Variants in EXOC6B observed in about 807,000 individuals in gnomAD.
The protein encoded by EXOC6B is SEC15 homolog B.
Under a neutral mutation model 113.5 loss-of-function variants are expected in EXOC6B, and 54 were observed. The ratio of observed to expected loss-of-function variants is 0.48; its 90% CI spans 0.38 to 0.60. The LOEUF is 0.60. Among genes scored for constraint, EXOC6B ranks in the 20% least tolerant of loss-of-function variants. The pLI is 0.00. For synonymous variants in EXOC6B, 357 were observed against 339.0 expected (o/e 1.05, Z -0.58); for missense variants, 797 against 977.5 (o/e 0.82, Z 2.46).
intron 6 of EXOC6B, among the ~76,000 whole-genome samples, chr2:72,659,471 A>C (rs1224603305): frequency 6.6e-6 from 1 of 152,184 alleles, no homozygotes; most frequent in African/African-American, 2.4e-5. Context: ...AGAAAATTGA[A>C]GAACTGTGTT....
chr2:72,366,712 A>G (rs1397445212), intron 19 of EXOC6B, among the ~76,000 whole-genome samples: 2 of 152,076 alleles, frequency 1.3e-5, no homozygotes, highest in African/African-American at 2.4e-5. Flanking sequence ...ATTTGTACAA[A>G]GGAACAAAGA....
chr2:72,335,133 CTAAGGAG>C, intron 19 of EXOC6B, 113 bp from the exon 20 acceptor site: 1 of 899,340 alleles, frequency 1.1e-6, no homozygotes, highest in Non-Finnish European at 1.8e-6. Flanking sequence ...GACCAAGCTT[CTAAGGAG>C]TCATGTCTCT....
At chr2:72,714,569 G>T (rs1292862904) in intron 6 of EXOC6B, among the ~76,000 whole-genome samples, 1 of 151,950 alleles carries the variant, frequency 6.6e-6, no homozygotes, top group Admixed American at 6.6e-5. Flanking sequence ...AGGCCTCACA[G>T]AGTTAGAAAG....
intron 8 of EXOC6B, among the ~76,000 whole-genome samples, chr2:72,548,936 C>T (rs1332591439): frequency 4.6e-5 from 7 of 151,892 alleles, no homozygotes; most frequent in Non-Finnish European, 8.8e-5. Flanking sequence ...TGTGTGAACC[C>T]GGGAGGCGGA....
At chr2:72,811,346 C>T (rs1431280821) in intron 1 of EXOC6B, among the ~76,000 whole-genome samples, 1 of 152,026 alleles carries the variant, frequency 6.6e-6, no homozygotes, top group African/African-American at 2.4e-5. Flanking sequence ...ATAAATTTAA[C>T]AACTTAAATG....
intron 6 of EXOC6B, among the ~76,000 whole-genome samples, chr2:72,659,554 T>C (rs1200823748): frequency 6.6e-6 from 1 of 152,182 alleles, no homozygotes; most frequent in Admixed American, 6.5e-5. Flanking sequence ...GACAGGCTTC[T>C]ATGAGGGTTT....
chr2:72,284,705 A>C (rs1685321167), intron 20 of EXOC6B, among the ~76,000 whole-genome samples: 1 of 152,058 alleles, frequency 6.6e-6, no homozygotes, highest in Non-Finnish European at 1.5e-5. Context: ...CTTTTGTAGA[A>C]GACATGATTT....
chr2:72,382,021 T>G (rs1691705906), intron 18 of EXOC6B, among the ~76,000 whole-genome samples: 1 of 152,212 alleles, frequency 6.6e-6, no homozygotes, highest in Non-Finnish European at 1.5e-5. Context: ...TTGTATTTTC[T>G]GATGGGCCAC....
chr2:72,209,370 G>A lies in EXOC6B; in HGVS notation c.2197-25183C>T, dbSNP rs370595190. ...AAAGTCCCTTAGCTGTTTCTATCCT[G>A]CTCCAATAAAATCTTCTTTCTTAAA... On this transcript the variant is annotated intron_variant, in intron 20 of 21. Transcript: ENST00000272427. Among the ~76,000 whole-genome samples the A allele has an allele frequency of 9.6e-4, 146 of 151,906 alleles. 2 individuals carry two copies. Among genetic ancestry groups the A allele is most frequent in the African/African-American group, 3.2e-3 (134 of 41,438 alleles).
intron 6 of EXOC6B, among the ~76,000 whole-genome samples, chr2:72,647,106 T>C (rs1673782059): frequency 6.6e-6 from 1 of 152,166 alleles, no homozygotes; most frequent in Admixed American, 6.5e-5. Context: ...ACAAAATCAA[T>C]GTGCAAAAAT....
chr2:72,603,416 A>G (rs560703501), intron 6 of EXOC6B, among the ~76,000 whole-genome samples: 1 of 152,078 alleles, frequency 6.6e-6, no homozygotes, highest in South Asian at 2.1e-4. Flanking sequence ...AGAATACTCT[A>G]TTATAAATAG....
At chr2:72,376,143 T>C (rs1272371216) in intron 19 of EXOC6B, among the ~76,000 whole-genome samples, 1 of 152,216 alleles carries the variant, frequency 6.6e-6, no homozygotes, top group Non-Finnish European at 1.5e-5. Flanking sequence ...GATATTGTTG[T>C]AGACATCTTT....
chr2:72,363,898 C>T (rs1171041633), intron 19 of EXOC6B, among the ~76,000 whole-genome samples: 1 of 152,074 alleles, frequency 6.6e-6, no homozygotes, highest in East Asian at 1.9e-4. Flanking sequence ...CTGAATATCT[C>T]AGGCTCTTGG....
intron 1 of EXOC6B, among the ~76,000 whole-genome samples, chr2:72,806,454 C>T (rs1222420252): frequency 6.6e-6 from 1 of 152,158 alleles, no homozygotes; most frequent in East Asian, 1.9e-4. Flanking sequence ...CAAGTTGATT[C>T]TATGTTTTGG....
At chr2:72,476,851 CTTTAT>C (rs1461247880) in intron 17 of EXOC6B, among the ~76,000 whole-genome samples, 1 of 152,178 alleles carries the variant, frequency 6.6e-6, no homozygotes, top group Non-Finnish European at 1.5e-5. Context: ...TGAATACTGG[CTTTAT>C]TTTATCATTT....
intron 20 of EXOC6B, among the ~76,000 whole-genome samples, chr2:72,256,013 A>T (rs1683332897): frequency 6.6e-6 from 1 of 152,228 alleles, no homozygotes; most frequent in Non-Finnish European, 1.5e-5. Context: ...TCAGTCAAGG[A>T]TCTCAAGGTG....
intron 1 of EXOC6B, among the ~76,000 whole-genome samples, chr2:72,784,823 C>T (rs887343863): frequency 2.6e-5 from 4 of 152,134 alleles, no homozygotes; most frequent in Non-Finnish European, 4.4e-5. Flanking sequence ...CTCATGTCCT[C>T]ATATTTCAAA....
chr2:72,448,392 C>T (rs1696710761), intron 18 of EXOC6B, among the ~76,000 whole-genome samples: 1 of 152,074 alleles, frequency 6.6e-6, no homozygotes, highest in East Asian at 1.9e-4. Flanking sequence ...TAATTATTTC[C>T]AAAATCAACT....
intron 20 of EXOC6B, among the ~76,000 whole-genome samples, chr2:72,252,989 T>G (rs1045359923): frequency 1.3e-5 from 2 of 152,128 alleles, no homozygotes; most frequent in African/African-American, 4.8e-5. Flanking sequence ...ATCCAATCTA[T>G]AAGGAACTTG....
Sources: allele counts gnomAD v4.1 joint callset (sites outside exome capture counted in the v4.1 genomes callset), GRCh38; gene constraint gnomAD v4.1.1; transcripts MANE v1.5; gene names NCBI Gene and HGNC (gene_info 2026-07-23, HGNC 2026-07-21).